Variants in CRB1 observed in about 807,000 individuals in gnomAD.
CRB1 encodes protein crumbs homolog 1.
A neutral mutation model predicts 120.0 loss-of-function variants in CRB1; 83 were observed. The ratio of observed to expected loss-of-function variants is 0.69; its 90% CI spans 0.58 to 0.83. The LOEUF (loss-of-function observed/expected upper bound fraction) is 0.83, where lower values mean the gene tolerates loss of function less well. Ranked by LOEUF, CRB1 falls within the 40% of genes least tolerant of loss-of-function variation. CRB1 has a pLI of 0.00. For missense variants in CRB1, 1,699 were observed against 1,687.6 expected (o/e 1.01, Z -0.12); for synonymous variants, 625 against 612.5 (o/e 1.02, Z -0.30).
intron 4 of CRB1, among the ~76,000 whole-genome samples, chr1:197,350,534 T>G (rs755886794): frequency 6.6e-6 from 1 of 152,210 alleles, no homozygotes; most frequent in Non-Finnish European, 1.5e-5. Context: ...GATTCAAGCA[T>G]TTAAGCCACA....
At chr1:197,459,547 C>T (rs1417870757) in intron 11 of CRB1, among the ~76,000 whole-genome samples, 1 of 152,054 alleles carries the variant, frequency 6.6e-6, no homozygotes, top group African/African-American at 2.4e-5. Context: ...TTCTCCAGGA[C>T]CTCTTTTATA....
At position 197,309,301 on chromosome 1, in the gene CRB1, C is replaced by T. The variant is rs572180383; in HGVS notation, c.71-19121C>T. Among the ~76,000 whole-genome samples the T allele has an allele frequency of 6.4e-4, 98 of 152,114 alleles. 2 individuals are homozygous for T. In the South Asian group the frequency reaches 0.015, roughly 23 times the overall value. ...ATCTTTGAATTTGAATGTCTTACTACGTCTTTGCTGACACACACACACACA... is the reference window on the plus strand; with the variant it reads ...ATCTTTGAATTTGAATGTCTTACTATGTCTTTGCTGACACACACACACACA... On this transcript the variant is annotated intron_variant, in intron 1 of 11. Coordinates refer to ENST00000367400, the MANE Select transcript of CRB1 (RefSeq NM_201253.3).
At chr1:197,290,223 A>G (rs1656087807) in intron 1 of CRB1, among the ~76,000 whole-genome samples, 1 of 151,430 alleles carries the variant, frequency 6.6e-6, no homozygotes, top group African/African-American at 2.4e-5. Flanking sequence ...CAAAGTAGCC[A>G]AGGATACCAC....
intron 8 of CRB1, 108 bp downstream of exon 8, chr1:197,429,722 A>C: frequency 1.7e-6 from 2 of 1,192,272 alleles, no homozygotes; most frequent in Non-Finnish European, 2.4e-6. Context: ...TATTAAATTA[A>C]TCTATGGTTG....
intron 5 of CRB1, among the ~76,000 whole-genome samples, chr1:197,364,344 G>A (rs1009987869): frequency 2.0e-5 from 3 of 152,152 alleles, no homozygotes; most frequent in African/African-American, 7.2e-5. Flanking sequence ...CAATTTATTT[G>A]TAATATGACT....
chr1:197,458,899 A>T (rs1666403550), intron 11 of CRB1, among the ~76,000 whole-genome samples: 1 of 152,172 alleles, frequency 6.6e-6, no homozygotes, highest in Non-Finnish European at 1.5e-5. Context: ...GTATAAATTC[A>T]CAGAAGTCTG....
intron 1 of CRB1, among the ~76,000 whole-genome samples, chr1:197,313,195 C>T (rs1426333114): frequency 6.6e-6 from 1 of 152,164 alleles, no homozygotes. Flanking sequence ...ATTTTGTGAG[C>T]ACTCACTCAC....
At chr1:197,295,973 T>TA (rs764003198) in intron 1 of CRB1, among the ~76,000 whole-genome samples, 160 of 82,220 alleles carry the variant, frequency 1.9e-3, no homozygotes, top group Non-Finnish European at 3.7e-3. Context: ...TTCTAAGATT[T>TA]AAAAAAAAAT....
chr1:197,285,241 A>G (rs1655756607), intron 1 of CRB1, among the ~76,000 whole-genome samples: 1 of 151,974 alleles, frequency 6.6e-6, no homozygotes, highest in South Asian at 2.1e-4. Flanking sequence ...AGGGTTATGC[A>G]AGAAGATGGT....
At chr1:197,202,148 C>G in the CRB1 span, among the ~76,000 whole-genome samples, 2 of 152,130 alleles carry the variant, frequency 1.3e-5, no homozygotes, top group East Asian at 1.9e-4. Context: ...TTCCCCCACC[C>G]TCTCGTCCCT....
intron 5 of CRB1, among the ~76,000 whole-genome samples, chr1:197,411,093 C>T (rs190682915): frequency 3.3e-5 from 5 of 152,312 alleles, no homozygotes; most frequent in Non-Finnish European, 5.9e-5. Context: ...CCTGGTTAAA[C>T]ATTCAATTTT....
At chr1:197,319,288 C>T (rs1040502062) in intron 1 of CRB1, among the ~76,000 whole-genome samples, 5 of 60,880 alleles carry the variant, frequency 8.2e-5, no homozygotes, top group Admixed American at 1.9e-4. Context: ...ATTAGCCGGA[C>T]GTGGTGGCGG....
chr1:197,433,060 A>ATT (rs34949598), intron 8 of CRB1, among the ~76,000 whole-genome samples: 49 of 144,852 alleles, frequency 3.4e-4, no homozygotes, highest in African/African-American at 1.0e-3. Flanking sequence ...TTTGTCATGA[A>ATT]TTTTTTTTTT....
intron 1 of CRB1, among the ~76,000 whole-genome samples, chr1:197,289,876 T>C (rs996366833): frequency 6.6e-6 from 1 of 151,618 alleles, no homozygotes; most frequent in African/African-American, 2.4e-5. Context: ...TATAAAGATA[T>C]ATATCTTACA....
chr1:197,263,860 A>T (rs1199074519), upstream of CRB1, among the ~76,000 whole-genome samples: 1 of 152,088 alleles, frequency 6.6e-6, no homozygotes, highest in East Asian at 1.9e-4. Flanking sequence ...TTTTGAAAAA[A>T]TTTTAATGAC....
At chr1:197,316,963 G>A (rs1657889668) in intron 1 of CRB1, among the ~76,000 whole-genome samples, 1 of 148,782 alleles carries the variant, frequency 6.7e-6, no homozygotes, top group Admixed American at 6.7e-5. Context: ...ATTTAACCAA[G>A]GAGGTGAAAG....
intron 1 of CRB1, among the ~76,000 whole-genome samples, chr1:197,319,455 A>G (rs1335857383): frequency 3.8e-5 from 5 of 130,882 alleles, no homozygotes; most frequent in Non-Finnish European, 6.0e-5. Context: ...AAAAAAAAAA[A>G]AAAGAAAGAA....
At chr1:197,362,815 A>T (rs890159200) in intron 5 of CRB1, among the ~76,000 whole-genome samples, 2 of 152,260 alleles carry the variant, frequency 1.3e-5, no homozygotes, top group South Asian at 4.1e-4. Context: ...TTGTTGGGTC[A>T]TGCTTTTTTA....
At position 197,427,787 on chromosome 1, in the gene CRB1, C is replaced by A; in HGVS notation, c.2462C>A (p.Thr821Lys). The change falls in exon 7 of 12, where the codon ACG becomes AAG. Residue 821 changes from threonine (T) to lysine (K), a missense_variant. Transcript: ENST00000367400. The stretch of plus-strand genomic sequence containing the variant: ...AACCTAGGATTTATTTCTGCTTCTA[C>A]GTGGAAAATCGAAAAGGGAGATGTC... The part of the protein sequence containing the change: ...SQNLGFISAS[T>K]WKIEKGDVIY... 6.2e-7 allele frequency: 1 copy of A among 1,613,910 alleles called. No individual in the cohort carries two copies. The highest frequency in any genetic ancestry group is 2.2e-5 in the East Asian group (1 of 44,872).
Sources: gnomAD v4.1 joint callset for allele counts (sites outside exome capture counted in the v4.1 genomes callset) on GRCh38, gnomAD v4.1.1 for gene constraint, MANE v1.5 for transcripts, NCBI Gene and HGNC (gene_info 2026-07-23, HGNC 2026-07-21) for gene names.